The following PRDM16 variants were observed in gnomAD, a reference collection of about 807,000 sequenced individuals.
PRDM16 encodes histone-lysine N-methyltransferase PRDM16.
A neutral mutation model predicts 110.6 loss-of-function variants in PRDM16; 23 were observed. The ratio of observed to expected loss-of-function variants is 0.21; its 90% CI spans 0.15 to 0.29. PRDM16 has a LOEUF of 0.29. Ranked by LOEUF, PRDM16 falls within the 10% of genes least tolerant of loss-of-function variation. PRDM16 has a pLI of 1.00. For missense variants in PRDM16, 1,615 were observed against 1,794.3 expected (o/e 0.90, Z 1.81); for synonymous variants, 799 against 781.8 (o/e 1.02, Z -0.37).
chr1:3,159,529 C>A (rs541574530), intron 1 of PRDM16, among the ~76,000 whole-genome samples: 14 of 152,212 alleles, frequency 9.2e-5, no homozygotes, highest in African/African-American at 3.4e-4. Flanking sequence ...GATCAGGGCC[C>A]ACCCTAGTGA....
In PRDM16 at chr1:3,409,659, G is replaced by T. The variant is rs973066572; in HGVS notation, c.1187-1725G>T. Among the ~76,000 whole-genome samples the T allele has an allele frequency of 2.6e-5, 4 of 151,572 alleles. No individual in the cohort carries two copies. In the South Asian group the frequency reaches 6.3e-4, roughly 24 times the overall value. On this transcript the variant is annotated intron_variant, in intron 8 of 16. Transcript: ENST00000270722. ...ACACTCGCCGGGATGTGTGTGTGTG[G>T]TGTGCGTGTCTGTGGTGTGTGTGTG...
At chr1:3,261,529 G>C (rs1326426288) in intron 3 of PRDM16, among the ~76,000 whole-genome samples, 1 of 152,128 alleles carries the variant, frequency 6.6e-6, no homozygotes, top group Non-Finnish European at 1.5e-5. Flanking sequence ...ACACAGTGGC[G>C]AGAGTCCCTT....
chr1:3,368,445 A>G (rs1015809275), intron 3 of PRDM16, among the ~76,000 whole-genome samples: 2 of 152,200 alleles, frequency 1.3e-5, no homozygotes, highest in Non-Finnish European at 2.9e-5. Flanking sequence ...TGTTCTGAGC[A>G]TCTGTGAAGG....
At chr1:3,325,394 G>C (rs1641865472) in intron 3 of PRDM16, among the ~76,000 whole-genome samples, 1 of 152,200 alleles carries the variant, frequency 6.6e-6, no homozygotes, top group South Asian at 2.1e-4. Flanking sequence ...CCCTTCCTGG[G>C]AATGGACCGA....
At chr1:3,233,775 C>G (rs779700835) in intron 2 of PRDM16, among the ~76,000 whole-genome samples, 1 of 151,844 alleles carries the variant, frequency 6.6e-6, no homozygotes. Context: ...TGGTGTGGAT[C>G]GTGGCGATGG....
chr1:3,134,349 G>T (rs897786801), intron 1 of PRDM16, among the ~76,000 whole-genome samples: 1 of 152,254 alleles, frequency 6.6e-6, no homozygotes, highest in Non-Finnish European at 1.5e-5. Context: ...CGCAGGCCTG[G>T]GGACGGACAG....
Position 3,245,095 on chromosome 1 carries a change from G to T in PRDM16, c.438+958G>T, listed in dbSNP as rs565943251. 4.1e-4 allele frequency among the ~76,000 whole-genome samples: 62 copies of T among 152,308 alleles called. No homozygotes were observed. The highest frequency in any genetic ancestry group is 1.4e-3 in the African/African-American group (57 of 41,574). The stretch of plus-strand genomic sequence containing the variant: ...GGGTGGGGCGGGGTGCACCATGGGG[G>T]TTGCTGGCACAGAGGAGCCAGTGCT... On this transcript the variant is annotated intron_variant, in intron 3 of 16. Coordinates refer to ENST00000270722, the MANE Select transcript of PRDM16 (RefSeq NM_022114.4). The surrounding 1 kb of genome is among the most constrained non-coding windows in gnomAD (Gnocchi z 4.7).
intron 3 of PRDM16, among the ~76,000 whole-genome samples, chr1:3,281,612 G>T (rs1640712839): frequency 6.6e-6 from 1 of 152,178 alleles, no homozygotes; most frequent in South Asian, 2.1e-4. Flanking sequence ...TGACCAGATT[G>T]ATTGATGAGC....
At chr1:3,205,045 A>C (rs1158867661) in intron 2 of PRDM16, among the ~76,000 whole-genome samples, 1 of 152,032 alleles carries the variant, frequency 6.6e-6, no homozygotes, top group Non-Finnish European at 1.5e-5. Flanking sequence ...TGCGGCCTAA[A>C]TGAGGGCCCC....
intron 3 of PRDM16, among the ~76,000 whole-genome samples, chr1:3,256,654 C>G (rs915402543): frequency 1.5e-4 from 23 of 152,038 alleles, no homozygotes; most frequent in Non-Finnish European, 5.9e-5. Context: ...GTCAGGAGAT[C>G]AAGACCATCC....
chr1:3,386,720 TAGA>T (rs1163040511), intron 4 of PRDM16: 2 of 152,216 alleles, frequency 1.3e-5, no homozygotes, highest in Non-Finnish European at 2.9e-5. Flanking sequence ...TTGAGGCGCA[TAGA>T]AGGACGGTCT....
Position 3,400,566 on chromosome 1 carries a change from G to A in PRDM16, c.677-2225G>A, listed in dbSNP as rs75102834. Among the ~76,000 whole-genome samples, 1,316 of 152,308 alleles carry A rather than the reference G, an allele frequency of 8.6e-3. 16 individuals are homozygous for A. The highest frequency in any genetic ancestry group is 0.03 in the African/African-American group (1,261 of 41,574). On this transcript the variant is annotated intron_variant, in intron 5 of 16. Transcript: ENST00000270722. Reference sequence around the variant, plus strand: ...TTCAGTGAGTGAACAAACTCGGAAAGCTCCGAATGGCAGCCTTCCCCGGAG... The same window carrying A: ...TTCAGTGAGTGAACAAACTCGGAAAACTCCGAATGGCAGCCTTCCCCGGAG...
At chr1:3,355,632 G>A (rs1010925310) in intron 3 of PRDM16, among the ~76,000 whole-genome samples, 47 of 152,200 alleles carry the variant, frequency 3.1e-4, no homozygotes, top group African/African-American at 1.1e-3. Context: ...CTGCTGGGGG[G>A]ACCGCTATCC....
intron 1 of PRDM16, among the ~76,000 whole-genome samples, chr1:3,106,911 G>A (rs531584614): frequency 1.3e-5 from 2 of 152,178 alleles, no homozygotes; most frequent in Admixed American, 6.5e-5. Context: ...TGACAACAGC[G>A]CCTGGGGCCA....
At chr1:3,105,350 C>A (rs1409087091) in intron 1 of PRDM16, among the ~76,000 whole-genome samples, 4 of 152,232 alleles carry the variant, frequency 2.6e-5, no homozygotes, top group Non-Finnish European at 5.9e-5. Flanking sequence ...GTCTGCACTG[C>A]AGCACCCTGT....
intron 2 of PRDM16, among the ~76,000 whole-genome samples, chr1:3,200,723 C>T (rs956545023): frequency 2.0e-5 from 3 of 150,124 alleles, no homozygotes; most frequent in African/African-American, 2.4e-5. Flanking sequence ...CGTGGCCCTC[C>T]TGGAAATGCA....
At chr1:3,322,802 G>A (rs1014018561) in intron 3 of PRDM16, among the ~76,000 whole-genome samples, 7 of 152,212 alleles carry the variant, frequency 4.6e-5, no homozygotes, top group African/African-American at 1.4e-4. Context: ...TGCTCAGGAC[G>A]CACCACCCTG....
At chr1:3,384,506 A>AG (rs1323703590) in intron 3 of PRDM16, among the ~76,000 whole-genome samples, 6 of 152,186 alleles carry the variant, frequency 3.9e-5, no homozygotes, top group Non-Finnish European at 8.8e-5. Context: ...GAAAAGTCCT[A>AG]GGGGTTGCCA....
intron 3 of PRDM16, among the ~76,000 whole-genome samples, chr1:3,312,216 G>T (rs1641478552): frequency 6.6e-6 from 1 of 152,240 alleles, no homozygotes; most frequent in Non-Finnish European, 1.5e-5. Context: ...CGGGCCCTCA[G>T]TGGACATCCA....
Sources: gnomAD v4.1 joint callset for allele counts (sites outside exome capture counted in the v4.1 genomes callset) on GRCh38, gnomAD v4.1.1 for gene constraint, Gnocchi (gnomAD v3.1) non-coding constraint, MANE v1.5 for transcripts, NCBI Gene and HGNC (gene_info 2026-07-23, HGNC 2026-07-21) for gene names.